Variants in SLC29A3 observed in about 807,000 individuals in gnomAD.
SLC29A3 encodes the protein solute carrier family 29 member 3.
In SLC29A3, 18 loss-of-function variants were observed where a neutral mutation model predicts 25.4. That is an observed-to-expected ratio of 0.71 (90% CI 0.49 to 1.05). The LOEUF (loss-of-function observed/expected upper bound fraction) is 1.05. SLC29A3 is among the 50% of genes least tolerant of loss of function. SLC29A3 has a pLI of 0.00. For missense variants in SLC29A3, 586 were observed against 609.0 expected (o/e 0.96, Z 0.40); for synonymous variants, 258 against 267.1 (o/e 0.97, Z 0.33).
intron 2 of SLC29A3, among the ~76,000 whole-genome samples, chr10:71,336,801 C>T (rs901234671): frequency 6.6e-6 from 1 of 152,014 alleles, no homozygotes; most frequent in Non-Finnish European, 1.5e-5. Flanking sequence ...CGGGGAAGCT[C>T]ATTCCAGAAG....
chr10:71,349,425 C>T (rs1164981782), intron 3 of SLC29A3, among the ~76,000 whole-genome samples: 3 of 152,140 alleles, frequency 2.0e-5, no homozygotes, highest in South Asian at 2.1e-4. Flanking sequence ...GTGAGCTTCT[C>T]TCCACGGCTC....
intron 2 of SLC29A3, among the ~76,000 whole-genome samples, chr10:71,325,889 C>T (rs2131800860): frequency 6.6e-6 from 1 of 151,128 alleles, no homozygotes; most frequent in South Asian, 2.1e-4. Flanking sequence ...CTCCATGCTG[C>T]CTCATATTTC....
chr10:71,362,220 T>TC lies in SLC29A3; in HGVS notation c.1045dup (p.Leu349ProfsTer11). On this transcript the variant is annotated frameshift_variant, in exon 6 of 6. Coordinates refer to ENST00000373189, the MANE Select transcript of SLC29A3 (RefSeq NM_018344.6). LOFTEE classifies it high-confidence loss of function. ...TCACTGTGGACCACCAAGTTTTTCA[T>TC]CCCCCTCACTACCTTCCTCCTGTAC... is the stretch of plus-strand genomic sequence containing the variant. The TC allele has an allele frequency of 6.2e-7, 1 of 1,614,066 alleles. No homozygotes were observed. The highest frequency in any genetic ancestry group is 8.5e-7 in the Non-Finnish European group (1 of 1,180,014).
intron 1 of SLC29A3, among the ~76,000 whole-genome samples, chr10:71,322,450 C>G (rs1044914771): frequency 1.3e-5 from 2 of 152,242 alleles, no homozygotes; most frequent in African/African-American, 4.8e-5. Context: ...TCCCCACTAT[C>G]ATGCAGTGTT....
At chr10:71,371,057 A>G (rs1331289307) in intron 3 of SLC29A3, among the ~76,000 whole-genome samples, 1 of 152,192 alleles carries the variant, frequency 6.6e-6, no homozygotes, top group African/African-American at 2.4e-5. Context: ...CTGGGATTAC[A>G]GGTGTGAGTC....
At chr10:71,343,810 A>G (rs1471493887) in intron 2 of SLC29A3, among the ~76,000 whole-genome samples, 3 of 152,142 alleles carry the variant, frequency 2.0e-5, no homozygotes, top group Non-Finnish European at 4.4e-5. Flanking sequence ...AAAAACGTGG[A>G]TAGTCTTGCA....
chr10:71,334,319 G>A (rs543160015), intron 2 of SLC29A3, among the ~76,000 whole-genome samples: 7 of 152,226 alleles, frequency 4.6e-5, no homozygotes, highest in East Asian at 1.9e-4. Context: ...ACCGAAGGCC[G>A]ACCGCGTTCC....
Position 71,361,941 on chromosome 10 carries a change from C to G in SLC29A3, c.774-13C>G, listed in dbSNP as rs763377973. 2 of 1,613,830 alleles carry G rather than the reference C, an allele frequency of 1.2e-6. No individual in the cohort carries two copies. The highest frequency in any genetic ancestry group is 8.5e-7 in the Non-Finnish European group (1 of 1,180,014). ...GCAACCTGCTTGATGGTGGCCCTGT[C>G]TCCTCCCTGCAGGTACTACATGAGG... On this transcript the variant is annotated splice_polypyrimidine_tract_variant and intron_variant, in intron 5 of 5. Coordinates refer to ENST00000373189, the MANE Select transcript of SLC29A3 (RefSeq NM_018344.6).
chr10:71,355,667 G>A lies in SLC29A3; in HGVS notation c.611-414G>A, dbSNP rs145762703. ...GTTTGGTTGGTGGGTACTTTGGGCCGGGGGCAGAGAAGAGGAAATCCAGAG... is the reference window on the plus strand; with the variant it reads ...GTTTGGTTGGTGGGTACTTTGGGCCAGGGGCAGAGAAGAGGAAATCCAGAG... On this transcript the variant is annotated intron_variant, in intron 4 of 5. Transcript: ENST00000373189. 2.0e-3 allele frequency among the ~76,000 whole-genome samples: 307 copies of A among 152,262 alleles called. 2 individuals carry two copies. The highest frequency in any genetic ancestry group is 6.4e-3 in the South Asian group (31 of 4,826).
intron 2 of SLC29A3, among the ~76,000 whole-genome samples, chr10:71,333,479 G>A (rs1005242554): frequency 3.9e-5 from 6 of 152,248 alleles, no homozygotes; most frequent in African/African-American, 9.6e-5. Flanking sequence ...TTGAGGAAGT[G>A]CCTGCCAGGG....
At position 71,363,133 on chromosome 10, in the gene SLC29A3, G is replaced by A; in HGVS notation, c.*525G>A. Reference sequence around the variant, plus strand: ...TGTGCACAGACCCCTGTGTTCTGTGGGTGAACAACTGCCCACTAACCAGAC... The same window carrying A: ...TGTGCACAGACCCCTGTGTTCTGTGAGTGAACAACTGCCCACTAACCAGAC... On this transcript the variant is annotated 3_prime_UTR_variant, in exon 6 of 6. Coordinates refer to ENST00000373189, the MANE Select transcript of SLC29A3 (RefSeq NM_018344.6). 2.3e-6 allele frequency: 1 copy of A among 438,804 alleles called. No homozygotes were observed. The highest frequency in any genetic ancestry group is 1.6e-5 in the South Asian group (1 of 62,118). The allele number at this position is 438,804 out of a possible 1,614,324, so 27.2% of individuals were successfully genotyped here. A position where few individuals can be genotyped will look rare whatever the true frequency, so the allele number is the denominator to read the frequency against.
At chr10:71,344,129 G>A (rs1846493191) in intron 2 of SLC29A3, 80 bp from the exon 3 acceptor site, 1 of 1,129,612 alleles carries the variant, frequency 8.9e-7, no homozygotes, top group Non-Finnish European at 1.3e-6. Context: ...CCACAGAGAG[G>A]GGCCCTGTCT....
At position 71,362,179 on chromosome 10, in the gene SLC29A3, C is replaced by G; in HGVS notation, c.999C>G (p.Leu333=). The G allele has an allele frequency of 6.2e-7, 1 of 1,614,120 alleles. No individual in the cohort carries two copies. Among genetic ancestry groups the G allele is most frequent in the Middle Eastern group, 1.6e-4 (1 of 6,062 alleles). Residue 333 remains leucine (L), a synonymous_variant, in exon 6 of 6, where the codon CTC becomes CTG. Transcript: ENST00000373189. ...YPAICTNIES[L]NKGSGSLWTT... is the part of the protein sequence containing the mutation. ...CCATCTGCACCAACATCGAGTCCCT[C>G]AACAAGGGTTCGGGCTCACTGTGGA... is the stretch of plus-strand genomic sequence containing the variant.
At chr10:71,319,388 G>A in intron 1 of SLC29A3, 78 bp downstream of exon 1, 1 of 580,462 alleles carries the variant, frequency 1.7e-6, no homozygotes, top group Non-Finnish European at 3.0e-6. Context: ...CCTCCCTCCC[G>A]GGCCCTGGGG....
chr10:71,345,861 G>A (rs1355747186), intron 3 of SLC29A3, among the ~76,000 whole-genome samples: 2 of 152,218 alleles, frequency 1.3e-5, no homozygotes, highest in South Asian at 2.1e-4. Flanking sequence ...AGCCGTGGTG[G>A]GGGGAGCCCT....
At chr10:71,331,644 AT>A (rs1441449271) in intron 2 of SLC29A3, among the ~76,000 whole-genome samples, 3 of 152,228 alleles carry the variant, frequency 2.0e-5, no homozygotes, top group Non-Finnish European at 4.4e-5. Context: ...ATAAAATAAA[AT>A]TCTGGTCGTG....
chr10:71,353,936 G>T (rs928939572), intron 4 of SLC29A3, among the ~76,000 whole-genome samples: 2 of 152,218 alleles, frequency 1.3e-5, no homozygotes, highest in East Asian at 3.8e-4. Context: ...GAAAGAGAGA[G>T]AGGAAAATCA....
intron 5 of SLC29A3, among the ~76,000 whole-genome samples, chr10:71,359,378 C>T (rs703257): frequency 0.87 from 133,036 of 152,146 alleles, 58,629 homozygotes; most frequent in African/African-American, 0.92. Flanking sequence ...GAGAGTGAGG[C>T]GATGCAGGAA....
chr10:71,359,455 G>A (rs567850570), intron 5 of SLC29A3, among the ~76,000 whole-genome samples: 1 of 152,342 alleles, frequency 6.6e-6, no homozygotes, highest in East Asian at 1.9e-4. Flanking sequence ...CCTGAGAGCA[G>A]ACTTAAGGCA....
Sources: allele counts gnomAD v4.1 joint callset (sites outside exome capture counted in the v4.1 genomes callset), GRCh38; gene constraint gnomAD v4.1.1; transcripts MANE v1.5; gene names NCBI Gene and HGNC (gene_info 2026-07-23, HGNC 2026-07-21).